Variants in SNX29 observed in about 807,000 individuals in gnomAD.
The protein encoded by SNX29 is sorting nexin 29.
Under a neutral mutation model 102.1 loss-of-function variants are expected in SNX29, and 78 were observed. The observed-to-expected ratio is 0.76, with a 90% CI of 0.64 to 0.92. The LOEUF is 0.92. SNX29 is among the 40% of genes least tolerant of loss of function. The pLI, the probability that SNX29 is intolerant of heterozygous loss-of-function variation, is 0.00. For missense variants in SNX29, 1,280 were observed against 1,061.7 expected (o/e 1.21, Z -2.86); for synonymous variants, 580 against 414.5 (o/e 1.40, Z -4.85).
intron 7 of SNX29, among the ~76,000 whole-genome samples, chr16:12,049,016 G>C (rs184290505): frequency 1.3e-5 from 2 of 152,302 alleles, no homozygotes; most frequent in Admixed American, 1.3e-4. Context: ...ATGGGTGTGG[G>C]TGGGTAGTTC....
At chr16:12,501,374 A>C (rs1191006739) in intron 19 of SNX29, among the ~76,000 whole-genome samples, 2 of 152,140 alleles carry the variant, frequency 1.3e-5, no homozygotes, top group East Asian at 3.9e-4. Flanking sequence ...ACTACACTCC[A>C]GCCTGGGTGA....
rs190242740 is a variant in SNX29, at chr16:12,285,092, A to G, written c.1782+7056A>G. Among the ~76,000 whole-genome samples the G allele has an allele frequency of 8.8e-4, 134 of 152,230 alleles. 1 individual carries two copies. Among genetic ancestry groups the G allele is most frequent in the Non-Finnish European group, 1.6e-3 (107 of 68,012 alleles). ...GCCTGTTTATAGTGAATTCTATTTT[A>G]GCTTAGGTTAGAATCTGTTTATTTT... On this transcript the variant is annotated intron_variant, in intron 15 of 20. Transcript: ENST00000566228.
intron 13 of SNX29, among the ~76,000 whole-genome samples, chr16:12,153,514 C>T (rs1468723887): frequency 6.6e-6 from 1 of 151,594 alleles, no homozygotes; most frequent in Admixed American, 6.6e-5. Flanking sequence ...GGCTCTGTTG[C>T]CCAGGCTGGA....
At chr16:12,372,090 T>C (rs1434398130) in intron 16 of SNX29, among the ~76,000 whole-genome samples, 2 of 152,278 alleles carry the variant, frequency 1.3e-5, no homozygotes, top group Non-Finnish European at 1.5e-5. Context: ...GCGTTTGGTA[T>C]ATACCCTTCC....
intron 16 of SNX29, among the ~76,000 whole-genome samples, chr16:12,396,024 C>T (rs2083707946): frequency 6.6e-6 from 1 of 152,192 alleles, no homozygotes; most frequent in Admixed American, 6.5e-5. Context: ...CCCTGGTACT[C>T]ATGTAGACAC....
Position 12,431,023 on chromosome 16 carries a change from T to C in SNX29, c.2037+27494T>C, listed in dbSNP as rs140382009. Among the ~76,000 whole-genome samples, 979 of 152,256 alleles carry C rather than the reference T, an allele frequency of 6.4e-3. 32 individuals carry two copies. The East Asian group carries it at 0.072, about 11-fold the overall frequency. ...ACCTGCCACCACACCCGGCTATTTTTGTATTTTTAGTAGAGACGGAGTTTC... is the reference window on the plus strand; with the variant it reads ...ACCTGCCACCACACCCGGCTATTTTCGTATTTTTAGTAGAGACGGAGTTTC... On this transcript the variant is annotated intron_variant, in intron 18 of 20. Transcript: ENST00000566228.
chr16:12,464,535 C>G (rs2086964643), intron 18 of SNX29, among the ~76,000 whole-genome samples: 1 of 152,140 alleles, frequency 6.6e-6, no homozygotes, highest in South Asian at 2.1e-4. Flanking sequence ...CTCACTGCAG[C>G]CTCCACCTCC....
At chr16:12,191,882 CCTT>C (rs1325413966) in intron 13 of SNX29, among the ~76,000 whole-genome samples, 1 of 152,148 alleles carries the variant, frequency 6.6e-6, no homozygotes, top group Non-Finnish European at 1.5e-5. Flanking sequence ...CACTGGGCCA[CCTT>C]CTTCTTGTAG....
chr16:12,259,233 T>C (rs1174502375), intron 14 of SNX29, among the ~76,000 whole-genome samples: 1 of 152,176 alleles, frequency 6.6e-6, no homozygotes, highest in Non-Finnish European at 1.5e-5. Context: ...CTTCTCAACG[T>C]GGGGAAAAAA....
intron 14 of SNX29, among the ~76,000 whole-genome samples, chr16:12,274,407 G>C (rs759361677): frequency 2.0e-5 from 3 of 152,076 alleles, no homozygotes; most frequent in Non-Finnish European, 4.4e-5. Context: ...GACATTCATT[G>C]AACTCTTCCA....
intron 13 of SNX29, among the ~76,000 whole-genome samples, chr16:12,186,266 C>T (rs2076507169): frequency 2.0e-5 from 3 of 152,040 alleles, no homozygotes; most frequent in South Asian, 4.1e-4. Context: ...CTGAGATTTG[C>T]TCAAGAATTG....
At chr16:12,383,467 C>T (rs529277157) in intron 16 of SNX29, among the ~76,000 whole-genome samples, 12 of 152,056 alleles carry the variant, frequency 7.9e-5, no homozygotes, top group Admixed American at 4.6e-4. Flanking sequence ...GACAGAGTCT[C>T]GCTCTCTTGC....
intron 20 of SNX29, among the ~76,000 whole-genome samples, chr16:12,528,634 G>C (rs758249615): frequency 2.0e-5 from 3 of 152,172 alleles, no homozygotes; most frequent in Non-Finnish European, 4.4e-5. Flanking sequence ...CCTCCATGCT[G>C]TTTGCCTGGT....
intron 19 of SNX29, among the ~76,000 whole-genome samples, chr16:12,507,957 G>A (rs564541466): frequency 6.6e-5 from 10 of 152,184 alleles, no homozygotes; most frequent in Non-Finnish European, 1.3e-4. Context: ...GTAAACAAAG[G>A]TGCAAATGGG....
At chr16:12,440,197 C>T (rs752592965) in intron 18 of SNX29, among the ~76,000 whole-genome samples, 1 of 152,254 alleles carries the variant, frequency 6.6e-6, no homozygotes, top group East Asian at 1.9e-4. Context: ...TCAGCCTTCT[C>T]TCTTTCTCCT....
chr16:12,472,975 T>A (rs191126848), intron 18 of SNX29, among the ~76,000 whole-genome samples: 1 of 152,244 alleles, frequency 6.6e-6, no homozygotes, highest in Admixed American at 6.5e-5. Flanking sequence ...ATTGCTTGTT[T>A]TAAAAGGAAA....
intron 18 of SNX29, among the ~76,000 whole-genome samples, chr16:12,430,161 C>A (rs1175729521): frequency 6.6e-6 from 1 of 152,250 alleles, no homozygotes; most frequent in Non-Finnish European, 1.5e-5. Context: ...GCCCAAAGAT[C>A]TGAGGGGAAC....
At chr16:12,547,103 T>G (rs547933070) in intron 20 of SNX29, among the ~76,000 whole-genome samples, 1 of 152,248 alleles carries the variant, frequency 6.6e-6, no homozygotes, top group Admixed American at 6.5e-5. Context: ...CGATTTCCAG[T>G]GAAAAGACAG....
chr16:12,014,209 G>A (rs139647335), intron 3 of SNX29, among the ~76,000 whole-genome samples: 14 of 152,142 alleles, frequency 9.2e-5, no homozygotes, highest in East Asian at 7.7e-4. Context: ...GTGATTTCTC[G>A]TGTCTCATTT....
Sources: gnomAD v4.1 joint callset for allele counts (sites outside exome capture counted in the v4.1 genomes callset) on GRCh38, gnomAD v4.1.1 for gene constraint, MANE v1.5 for transcripts, NCBI Gene and HGNC (gene_info 2026-07-23, HGNC 2026-07-21) for gene names.